MDFI: variants seen among roughly 807,000 people sequenced by gnomAD.
The protein encoded by MDFI is MyoD family inhibitor.
A neutral mutation model predicts 22.3 loss-of-function variants in MDFI; 16 were observed. The ratio of observed to expected loss-of-function variants is 0.72; its 90% confidence interval spans 0.49 to 1.09. The LOEUF is 1.09. Among genes scored for constraint, MDFI ranks in the 50% least tolerant of loss-of-function variants. MDFI has a pLI of 0.00. For synonymous variants in MDFI, 145 were observed against 142.7 expected (o/e 1.02, Z -0.12); for missense variants, 314 against 326.1 (o/e 0.96, Z 0.29).
At chr6:41,647,813 C>T (rs1370916998) in intron 3 of MDFI, among the ~76,000 whole-genome samples, 6 of 152,046 alleles carry the variant, frequency 3.9e-5, no homozygotes, top group East Asian at 1.9e-4. Context: ...GAGGCTGAGG[C>T]GGGCGGATCA....
rs1411498148 is a variant in MDFI, at chr6:41,653,772, G to A, written c.*197G>A. 4.6e-6 allele frequency: 3 copies of A among 659,288 alleles called. No individual in the cohort carries two copies. Among genetic ancestry groups the A allele is most frequent in the East Asian group, 2.7e-5 (1 of 36,612 alleles). 40.8% of individuals were successfully genotyped at this position (659,288 alleles called of 1,614,324 possible). A position where few individuals can be genotyped will look rare whatever the true frequency, so the allele number is the denominator to read the frequency against. ...ACTCAGAGGGGCCACCTCCTCAGCCGTGGGTGGTGGGCCCATGGCAGAGAA... is the reference window on the plus strand; with the variant it reads ...ACTCAGAGGGGCCACCTCCTCAGCCATGGGTGGTGGGCCCATGGCAGAGAA... On this transcript the variant is annotated 3_prime_UTR_variant, in exon 5 of 5. Coordinates refer to ENST00000230321, the MANE Select transcript of MDFI (RefSeq NM_005586.4). This position sits in a 1 kb window ranked among gnomAD's most constrained non-coding sequence, Gnocchi z 4.2.
rs1292882742 is a variant in MDFI at position 41,638,749 on chromosome 6, G to C, written c.-1G>C. On this transcript the variant is annotated 5_prime_UTR_variant, in exon 2 of 5. Transcript: ENST00000230321. This position sits in a 1 kb window ranked among gnomAD's most constrained non-coding sequence, Gnocchi z 7.6. ...CCCTGTTTTCCGCAGGTCCGGGGCC[G>C]ATGTACCAGGTGAGCGGCCAGCGCC... is the stretch of plus-strand genomic sequence containing the variant. The C allele has an allele frequency of 6.4e-7, 1 of 1,566,704 alleles. No individual in the cohort carries two copies. The highest frequency in any genetic ancestry group is 1.9e-5 in the Admixed American group (1 of 53,922).
intron 3 of MDFI, among the ~76,000 whole-genome samples, chr6:41,647,907 G>T (rs1419237644): frequency 6.6e-6 from 1 of 151,892 alleles, no homozygotes; most frequent in Non-Finnish European, 1.5e-5. Flanking sequence ...GCCGGGCGTG[G>T]TGGCGGGCGC....
intron 2 of MDFI, among the ~76,000 whole-genome samples, chr6:41,643,034 A>G (rs1767907905): frequency 6.6e-6 from 1 of 152,162 alleles, no homozygotes; most frequent in Admixed American, 6.5e-5. Flanking sequence ...TCTCTCTACC[A>G]TAGGACTCAC....
intron 2 of MDFI, among the ~76,000 whole-genome samples, chr6:41,642,034 A>G (rs16894871): frequency 0.1 from 15,669 of 152,026 alleles, 901 homozygotes; most frequent in Middle Eastern, 0.19. Flanking sequence ...ATCTTACCCC[A>G]TGTTAGGAAT....
Position 41,653,342 on chromosome 6 carries a change from T to A in MDFI, c.508T>A (p.Ser170Thr). The change falls in exon 5 of 5, where the codon TCC (serine) becomes ACC (threonine). Residue 170 changes from serine to threonine, a missense_variant. Transcript: ENST00000230321. This position sits in a 1 kb window ranked among gnomAD's most constrained non-coding sequence, Gnocchi z 4.2. ...QEDCCVHCIL[S>T]CLFCEFLTLC... ...AGACTGCTGTGTCCACTGCATCCTG[T>A]CCTGCCTGTTCTGCGAGTTCCTGAC... 1 of 1,612,826 alleles carries A rather than the reference T, an allele frequency of 6.2e-7. No homozygotes were observed. Among genetic ancestry groups the A allele is most frequent in the Non-Finnish European group, 8.5e-7 (1 of 1,179,970 alleles).
In MDFI at chr6:41,638,610, C is replaced by A. The variant is rs1377881574; in HGVS notation, c.-54C>A. 5.8e-6 allele frequency: 6 copies of A among 1,030,956 alleles called. No homozygotes were observed. Among genetic ancestry groups the A allele is most frequent in the East Asian group, 3.1e-5 (1 of 32,744 alleles). 63.9% of individuals were successfully genotyped at this position (1,030,956 alleles called of 1,614,324 possible). A position where few individuals can be genotyped will look rare whatever the true frequency, so the allele number is the denominator to read the frequency against. ...GAGCAGGCGCGCATGGCGGGCCCCG[C>A]GCGGGGATCCGGCTGGAAGAGAGCG... On this transcript the variant is annotated 5_prime_UTR_variant, in exon 1 of 5. Transcript: ENST00000230321. This position sits in a 1 kb window ranked among gnomAD's most constrained non-coding sequence, Gnocchi z 7.6.
At chr6:41,649,897 G>T in intron 4 of MDFI, 54 bp downstream of exon 4, 1 of 1,512,810 alleles carries the variant, frequency 6.6e-7, no homozygotes, top group Non-Finnish European at 9.0e-7. Context: ...CGGGTTCCTC[G>T]AAGCATGACG....
chr6:41,643,125 T>G (rs1001689486), intron 2 of MDFI, among the ~76,000 whole-genome samples: 4 of 152,100 alleles, frequency 2.6e-5, no homozygotes, highest in African/African-American at 9.7e-5. Context: ...CTGCTATCAT[T>G]CTAGGCTTCC....
At chr6:41,646,691 C>T (rs1316544329) in intron 3 of MDFI, among the ~76,000 whole-genome samples, 1 of 152,188 alleles carries the variant, frequency 6.6e-6, no homozygotes, top group Non-Finnish European at 1.5e-5. Flanking sequence ...CCCAGTTGCT[C>T]TAGGGCGAAA....
chr6:41,646,067 G>A (rs553039942), intron 2 of MDFI, 59 bp from the exon 3 acceptor site: 28 of 1,386,712 alleles, frequency 2.0e-5, no homozygotes, highest in African/African-American at 1.2e-4. Flanking sequence ...CGGGGCCCAC[G>A]GCTGGGCAAA....
At chr6:41,646,074 C>T in intron 2 of MDFI, 52 bp from the exon 3 acceptor site, 2 of 1,406,362 alleles carry the variant, frequency 1.4e-6, no homozygotes, top group Non-Finnish European at 1.9e-6. Flanking sequence ...CACGGCTGGG[C>T]AAACAGGAAG....
chr6:41,651,835 G>A lies in MDFI; in HGVS notation c.485-1484G>A, dbSNP rs532858817. Among the ~76,000 whole-genome samples, 267 of 152,348 alleles carry A rather than the reference G, an allele frequency of 1.8e-3. 1 individual carries two copies. The highest frequency in any genetic ancestry group is 6.0e-3 in the South Asian group (29 of 4,828). On this transcript the variant is annotated intron_variant, in intron 4 of 4. Transcript: ENST00000230321. ...ACGTGGGTTCTAGAGCCAGCAGCCT[G>A]GATTCAAGTCCCAGCTCCACCACCT...
In MDFI at chr6:41,649,740, C is replaced by T. The variant is rs1768193341; in HGVS notation, c.381C>T (p.His127=). Reference sequence around the variant, plus strand: ...GTGCCCTGGGTGGCCCCAAGGCCCACCGGAAGTTGCAGACACACCCATCTC... The same window carrying T: ...GTGCCCTGGGTGGCCCCAAGGCCCATCGGAAGTTGCAGACACACCCATCTC... ...GNGALGGPKA[H]RKLQTHPSLA... The change falls in exon 4 of 5, where the codon CAC becomes CAT. Residue 127 remains histidine (H), a synonymous_variant. Coordinates refer to ENST00000230321, the MANE Select transcript of MDFI (RefSeq NM_005586.4). 1 of 1,613,996 alleles carries T rather than the reference C, an allele frequency of 6.2e-7. No individual in the cohort carries two copies. The highest frequency in any genetic ancestry group is 1.3e-5 in the African/African-American group (1 of 74,932).
At chr6:41,641,158 G>T (rs1046080022) in intron 2 of MDFI, among the ~76,000 whole-genome samples, 1 of 152,130 alleles carries the variant, frequency 6.6e-6, no homozygotes, top group African/African-American at 2.4e-5. Context: ...CCTGACAGGG[G>T]CATTCCAAAC....
intron 2 of MDFI, among the ~76,000 whole-genome samples, chr6:41,643,576 A>AGGAAGGAAGGAAGGAAGGGAAGGAG (rs1431824421): frequency 1.4e-5 from 1 of 73,410 alleles, no homozygotes; most frequent in Admixed American, 1.6e-4. Flanking sequence ...GAAGGAAGGA[A>AGGAAGGAAGGAAGGAAGGGAAGGAG]GGAGGGAGGG....
chr6:41,642,846 T>G (rs1361384107), intron 2 of MDFI, among the ~76,000 whole-genome samples: 2 of 152,182 alleles, frequency 1.3e-5, no homozygotes, highest in Non-Finnish European at 2.9e-5. Context: ...TCCCACCAGA[T>G]CCAAGGTCAC....
Position 41,653,430 on chromosome 6 carries a change from T to TCTG in MDFI, c.609_611dup (p.Cys204dup), listed in dbSNP as rs745568498. On this transcript the variant is annotated inframe_insertion, in exon 5 of 5. Coordinates refer to ENST00000230321, the MANE Select transcript of MDFI (RefSeq NM_005586.4). This position sits in a 1 kb window ranked among gnomAD's most constrained non-coding sequence, Gnocchi z 4.2. ...TCCTGCAGCTCGGAGGACTCGTGCC[T>TCTG]CTGCTGCTGCTGCTGTGGCTCTGGC... 46 of 1,607,574 alleles carry TCTG rather than the reference T, an allele frequency of 2.9e-5. No homozygotes were observed. Among genetic ancestry groups the TCTG allele is most frequent in the Admixed American group, 2.2e-4 (13 of 60,028 alleles).
rs372642980 is a variant in MDFI at position 41,643,660 on chromosome 6, AGAG to A, written c.77-2465_77-2463del. On this transcript the variant is annotated intron_variant, in intron 2 of 4. Coordinates refer to ENST00000230321, the MANE Select transcript of MDFI (RefSeq NM_005586.4). ...AGCCAAACTACTCATTAAAAAAAAA[AGAG>A]AGAGAGAAAGGAGGGAGGAAGGAAA... Among the ~76,000 whole-genome samples the A allele has an allele frequency of 7.9e-3, 1,163 of 146,798 alleles. 14 individuals are homozygous for A. The highest frequency in any genetic ancestry group is 0.025 in the African/African-American group (1,006 of 39,906).
Sources: allele counts gnomAD v4.1 joint callset (sites outside exome capture counted in the v4.1 genomes callset), GRCh38; gene constraint gnomAD v4.1.1; non-coding constraint Gnocchi (gnomAD v3.1); transcripts MANE v1.5; gene names NCBI Gene and HGNC (gene_info 2026-07-23, HGNC 2026-07-21).